Variants in SLC39A14 observed in about 807,000 individuals in gnomAD.
SLC39A14 encodes the protein metal cation symporter ZIP14.
A neutral mutation model predicts 45.5 loss-of-function variants in SLC39A14; 19 were observed. The ratio of observed to expected loss-of-function variants is 0.42; its 90% CI spans 0.29 to 0.61. SLC39A14 has a LOEUF of 0.61. Among genes scored for constraint, SLC39A14 ranks in the 20% least tolerant of loss-of-function variants. SLC39A14 has a pLI of 0.22. For synonymous variants in SLC39A14, 264 were observed against 251.3 expected, an observed-to-expected ratio of 1.05 and a Z score of -0.48; for missense variants, 447 against 616.5, an observed-to-expected ratio of 0.73 and a Z score of 2.91.
intron 1 of SLC39A14, among the ~76,000 whole-genome samples, chr8:22,371,982 AT>A (rs1832965033): frequency 1.3e-5 from 2 of 151,918 alleles, no homozygotes; most frequent in Admixed American, 1.3e-4. Flanking sequence ...TGACTTTGTG[AT>A]CCGCCCGCCT....
intron 1 of SLC39A14, among the ~76,000 whole-genome samples, chr8:22,382,422 G>A (rs1002758890): frequency 1.3e-5 from 2 of 152,158 alleles, no homozygotes; most frequent in Non-Finnish European, 1.5e-5. Context: ...TGTAGTCCCA[G>A]CTACTTGGAC....
At chr8:22,380,737 C>T (rs1048257343) in intron 1 of SLC39A14, among the ~76,000 whole-genome samples, 1 of 151,730 alleles carries the variant, frequency 6.6e-6, no homozygotes, top group Non-Finnish European at 1.5e-5. Flanking sequence ...AGTGCAGTGG[C>T]TCCATAATGG....
intron 1 of SLC39A14, among the ~76,000 whole-genome samples, chr8:22,379,264 C>G (rs550071597): frequency 6.6e-5 from 10 of 152,312 alleles, no homozygotes; most frequent in African/African-American, 9.6e-5. Context: ...ATTTTATCTG[C>G]AAAGTCTCTA....
rs1431618381 is a variant in SLC39A14 at position 22,417,770 on chromosome 8, T to G, written c.1267T>G (p.Phe423Val). 6.2e-7 allele frequency: 1 copy of G among 1,614,144 alleles called. No individual in the cohort carries two copies. Among genetic ancestry groups the G allele is most frequent in the Admixed American group, 1.7e-5 (1 of 60,008 alleles). Residue 423 changes from phenylalanine to valine, a missense_variant, in exon 8 of 9, where the codon TTC (phenylalanine) becomes GTC (valine). Physicochemically the swap from Phe to Val is conservative, Grantham distance 50. Transcript: ENST00000381237. ...LAFGILAGSH[F>V]SANWIFALAG... is the part of the protein sequence containing the mutation. ...CTTTGGCATCCTGGCCGGCAGCCAC[T>G]TCTCTGCCAACTGGATTTTTGCGCT...
chr8:22,423,786 TTCTCTC>T (rs58420252), downstream of SLC39A14, among the ~76,000 whole-genome samples: 13 of 122,258 alleles, frequency 1.1e-4, no homozygotes, highest in East Asian at 2.8e-4. Flanking sequence ...TTTAATTGGT[TTCTCTC>T]TCTCTCTCTC....
At chr8:22,431,465 C>T (rs542637812) in intron 8 of SLC39A14, among the ~76,000 whole-genome samples, 17 of 152,240 alleles carry the variant, frequency 1.1e-4, no homozygotes, top group Non-Finnish European at 1.9e-4. Flanking sequence ...AAACTGACGC[C>T]AGGTTACTTT....
At chr8:22,424,608 C>T (rs1836351495), downstream of SLC39A14, among the ~76,000 whole-genome samples, 2 of 152,162 alleles carry the variant, frequency 1.3e-5, no homozygotes, top group African/African-American at 4.8e-5. Context: ...TCTGTCTCTG[C>T]ATACCTCAGT....
At chr8:22,375,302 A>G (rs955429568) in intron 1 of SLC39A14, among the ~76,000 whole-genome samples, 5 of 152,144 alleles carry the variant, frequency 3.3e-5, no homozygotes, top group South Asian at 4.1e-4. Flanking sequence ...TAATGCATGC[A>G]TATTGTAAAG....
intron 1 of SLC39A14, among the ~76,000 whole-genome samples, chr8:22,402,786 ATG>A (rs1373571917): frequency 1.1e-5 from 1 of 90,042 alleles, no homozygotes; most frequent in Non-Finnish European, 2.8e-5. Flanking sequence ...AAAAAAAAAA[ATG>A]TTGCTATTTT....
At chr8:22,398,990 C>T (rs1365806428) in intron 1 of SLC39A14, among the ~76,000 whole-genome samples, 2 of 152,200 alleles carry the variant, frequency 1.3e-5, no homozygotes, top group Admixed American at 1.3e-4. Flanking sequence ...CAAGTGCACC[C>T]TCAGGCAGAG....
chr8:22,423,500 T>C (rs1043957315), downstream of SLC39A14, among the ~76,000 whole-genome samples: 2 of 152,098 alleles, frequency 1.3e-5, no homozygotes, highest in African/African-American at 4.8e-5. Context: ...CACGCCCAGC[T>C]AATTTTTTGT....
At position 22,391,570 on chromosome 8, in the gene SLC39A14, C is replaced by CT. The variant is rs140742367; in HGVS notation, c.-15-13114dup. ...GGAAAGTGGTTCTGAGCTCCCTGTT[C>CT]TTTTTTTTTTTTCTTTTGAGATGGA... On this transcript the variant is annotated intron_variant, in intron 1 of 8. Transcript: ENST00000381237. 5.3e-3 allele frequency among the ~76,000 whole-genome samples: 776 copies of CT among 145,326 alleles called. 3 individuals are homozygous for CT. The highest frequency in any genetic ancestry group is 0.016 in the African/African-American group (656 of 40,038).
Position 22,421,742 on chromosome 8 carries a change from T to A in SLC39A14, c.*2044T>A, listed in dbSNP as rs779053409. 67 of 984,540 alleles carry A rather than the reference T, an allele frequency of 6.8e-5. No individual in the cohort carries two copies. The highest frequency in any genetic ancestry group is 8.1e-5 in the Non-Finnish European group (67 of 828,986). The allele number at this position is 984,540 out of a possible 1,614,324, so 61.0% of individuals were successfully genotyped here. On this transcript the variant is annotated 3_prime_UTR_variant, in exon 9 of 9. Transcript: ENST00000381237. ...TAGCATTCCCAATAGATCCTATCAT[T>A]CCTTAAACATAATACCCTTTGTCTT...
chr8:22,401,090 A>G (rs968676490), intron 1 of SLC39A14, among the ~76,000 whole-genome samples: 1 of 152,252 alleles, frequency 6.6e-6, no homozygotes, highest in African/African-American at 2.4e-5. Context: ...ACTTACAAGC[A>G]GCTGTGCAGA....
At chr8:22,377,622 A>G (rs753661114) in intron 1 of SLC39A14, among the ~76,000 whole-genome samples, 2 of 152,070 alleles carry the variant, frequency 1.3e-5, no homozygotes, top group Non-Finnish European at 2.9e-5. Flanking sequence ...TTTCATGATG[A>G]CTTCTTTCTC....
intron 1 of SLC39A14, among the ~76,000 whole-genome samples, chr8:22,400,669 A>G (rs1367958499): frequency 3.3e-5 from 5 of 152,198 alleles, no homozygotes; most frequent in Non-Finnish European, 7.3e-5. Flanking sequence ...AAAAGTATAT[A>G]TTCCACTGAA....
downstream of SLC39A14, among the ~76,000 whole-genome samples, chr8:22,425,422 G>A (rs954849427): frequency 2.6e-5 from 4 of 152,114 alleles, no homozygotes; most frequent in Non-Finnish European, 5.9e-5. Flanking sequence ...GTGATGCTTG[G>A]ATTGGATTTG....
intron 7 of SLC39A14, among the ~76,000 whole-genome samples, chr8:22,416,923 G>T (rs1835921165): frequency 1.3e-5 from 2 of 152,210 alleles, no homozygotes; most frequent in South Asian, 4.1e-4. Flanking sequence ...GACTTCCCAT[G>T]TGCCAGGTGC....
chr8:22,411,848 ATT>A (rs1390071240), intron 3 of SLC39A14, 187 bp from the exon 4 acceptor site: 1 of 536,860 alleles, frequency 1.9e-6, no homozygotes, highest in Non-Finnish European at 3.3e-6. Flanking sequence ...CAAATTTTCT[ATT>A]TCTCTCTCCC....
Sources: gnomAD v4.1 joint callset for allele counts (sites outside exome capture counted in the v4.1 genomes callset) on GRCh38, gnomAD v4.1.1 for gene constraint, MANE v1.5 for transcripts, NCBI Gene and HGNC (gene_info 2026-07-23, HGNC 2026-07-21) for gene names.